CSTPP1: variants seen among roughly 807,000 people sequenced by gnomAD.
CSTPP1 encodes UPF0705 protein C11orf49.
chr11:47,014,379 GAAAA>G, the CSTPP1 span, among the ~76,000 whole-genome samples: 1 of 100,104 alleles, frequency 1.0e-5, no homozygotes, highest in Admixed American at 1.1e-4. Context: ...AAAAAAGAAA[GAAAA>G]AGAAAAAAAA....
the CSTPP1 span, among the ~76,000 whole-genome samples, chr11:47,040,021 T>A: frequency 7.8e-6 from 1 of 128,714 alleles, no homozygotes; most frequent in African/African-American, 2.5e-5. Flanking sequence ...TCAAAATGTC[T>A]TCCCACAGGA....
chr11:47,068,321 C>T, the CSTPP1 span, among the ~76,000 whole-genome samples: 1 of 152,082 alleles, frequency 6.6e-6, no homozygotes, highest in African/African-American at 2.4e-5. Flanking sequence ...CATTTGAGGC[C>T]AGGAGTTCAA....
chr11:47,059,838 C>T, the CSTPP1 span, among the ~76,000 whole-genome samples: 2 of 152,196 alleles, frequency 1.3e-5, no homozygotes, highest in African/African-American at 4.8e-5. Context: ...GGCGCGGTGA[C>T]TCATGCCTGT....
chr11:46,973,137 G>T, the CSTPP1 span, among the ~76,000 whole-genome samples: 1 of 152,178 alleles, frequency 6.6e-6, no homozygotes, highest in Non-Finnish European at 1.5e-5. Context: ...TTGAAGTTAT[G>T]AAAGTCATTA....
At chr11:47,040,824 C>T in the CSTPP1 span, among the ~76,000 whole-genome samples, 18 of 127,036 alleles carry the variant, frequency 1.4e-4, no homozygotes, top group African/African-American at 4.5e-4. Context: ...AACACACATT[C>T]ATCTTAGACC....
chr11:47,031,328 A>G, the CSTPP1 span, among the ~76,000 whole-genome samples: 1 of 152,298 alleles, frequency 6.6e-6, no homozygotes, highest in East Asian at 1.9e-4. Flanking sequence ...CATGTTTACA[A>G]ATGTCTGATT....
chr11:46,982,102 GTTGA>G, the CSTPP1 span, among the ~76,000 whole-genome samples: 1 of 151,704 alleles, frequency 6.6e-6, no homozygotes, highest in Non-Finnish European at 1.5e-5. Context: ...ATGACAGGTT[GTTGA>G]TTAACAGGTT....
At chr11:47,026,704 C>T in the CSTPP1 span, among the ~76,000 whole-genome samples, 4 of 152,046 alleles carry the variant, frequency 2.6e-5, no homozygotes, top group Admixed American at 2.0e-4. Context: ...CTGGCGAAAC[C>T]CCATCTCTAC....
At chr11:46,937,772 C>T in the CSTPP1 span, among the ~76,000 whole-genome samples, 2 of 151,972 alleles carry the variant, frequency 1.3e-5, no homozygotes, top group Admixed American at 6.6e-5. Flanking sequence ...CTCCTGACCT[C>T]GTGATCTGCC....
chr11:46,959,504 A>G, the CSTPP1 span, among the ~76,000 whole-genome samples: 1 of 152,302 alleles, frequency 6.6e-6, no homozygotes, highest in African/African-American at 2.4e-5. Flanking sequence ...TAACTTTACT[A>G]TGTAAGGTTG....
At chr11:47,016,390 C>A in the CSTPP1 span, among the ~76,000 whole-genome samples, 432 of 125,328 alleles carry the variant, frequency 3.4e-3, no homozygotes, top group Non-Finnish European at 4.0e-3. Flanking sequence ...ATGGAATCTA[C>A]AAAAAACAAA....
chr11:47,112,771 T>G, the CSTPP1 span, among the ~76,000 whole-genome samples: 2 of 152,194 alleles, frequency 1.3e-5, no homozygotes, highest in Non-Finnish European at 2.9e-5. Context: ...ACATAATATC[T>G]ATTAAGTCAG....
chr11:47,160,345 CT>C, the CSTPP1 span: 1 of 149,794 alleles, frequency 6.7e-6, no homozygotes, highest in Admixed American at 6.7e-5. Flanking sequence ...ACCACTTTTA[CT>C]GCACACTAAC....
At chr11:46,974,537 A>AG in the CSTPP1 span, among the ~76,000 whole-genome samples, 1 of 150,322 alleles carries the variant, frequency 6.7e-6, no homozygotes. Flanking sequence ...AAAAAAAAAA[A>AG]AAAAAGAAAG....
At chr11:47,161,178 A>G in the CSTPP1 span, 2 of 1,614,186 alleles carry the variant, frequency 1.2e-6, no homozygotes, top group Non-Finnish European at 1.7e-6. Context: ...ATGGATGAAG[A>G]GCTGGAACGG....
the CSTPP1 span, among the ~76,000 whole-genome samples, chr11:47,022,934 A>G: frequency 6.6e-6 from 1 of 152,208 alleles, no homozygotes. Flanking sequence ...ACAAAGTCAT[A>G]CAGCCAGGAA....
the CSTPP1 span, among the ~76,000 whole-genome samples, chr11:47,134,579 G>A: frequency 4.7e-3 from 717 of 152,300 alleles, 1 homozygote; most frequent in Admixed American, 7.3e-3. Context: ...GCTGTGAGAA[G>A]GGCCTTTGAG....
the CSTPP1 span, among the ~76,000 whole-genome samples, chr11:47,096,040 G>C: frequency 6.6e-6 from 1 of 152,122 alleles, no homozygotes; most frequent in African/African-American, 2.4e-5. Flanking sequence ...GCCAGTCTGG[G>C]GTATGGCCAG....
At chr11:47,060,258 C>CTTTTCTT in the CSTPP1 span, among the ~76,000 whole-genome samples, 1 of 99,016 alleles carries the variant, frequency 1.0e-5, no homozygotes, top group African/African-American at 4.0e-5. Context: ...CTTTTCTTTT[C>CTTTTCTT]TTTTTTTTTT....
Sources: allele counts gnomAD v4.1 joint callset (sites outside exome capture counted in the v4.1 genomes callset), GRCh38; gene constraint gnomAD v4.1.1; transcripts MANE v1.5; gene names NCBI Gene and HGNC (gene_info 2026-07-23, HGNC 2026-07-21).